The following GSG1L variants were observed in gnomAD, a reference collection of about 807,000 sequenced individuals.
GSG1L encodes the protein germ cell-specific gene 1-like protein.
In GSG1L, 24 loss-of-function variants were observed where a neutral mutation model predicts 42.1. The ratio of observed to expected loss-of-function variants is 0.57; its 90% CI spans 0.41 to 0.80. The LOEUF (loss-of-function observed/expected upper bound fraction) is 0.80, where lower values mean the gene tolerates loss of function less well. Among genes scored for constraint, GSG1L ranks in the 30% least tolerant of loss-of-function variants. The pLI, the probability that GSG1L is intolerant of heterozygous loss-of-function variation, is 0.00. For synonymous variants in GSG1L, 215 were observed against 203.5 expected (o/e 1.06, Z -0.48); for missense variants, 445 against 472.2 (o/e 0.94, Z 0.53).
intron 2 of GSG1L, among the ~76,000 whole-genome samples, chr16:27,897,852 C>G (rs1350525071): frequency 6.6e-6 from 1 of 152,218 alleles, no homozygotes; most frequent in African/African-American, 2.4e-5. Flanking sequence ...ACCAATCTCA[C>G]AGGATTTTCT....
intron 1 of GSG1L, among the ~76,000 whole-genome samples, chr16:28,014,711 C>A (rs2085761015): frequency 7.7e-6 from 1 of 130,492 alleles, no homozygotes; most frequent in African/African-American, 2.9e-5. Context: ...GTTGTCTAGG[C>A]TGGTCTTGAA....
intron 3 of GSG1L, among the ~76,000 whole-genome samples, chr16:27,859,088 T>C (rs2083612592): frequency 6.6e-6 from 1 of 151,766 alleles, no homozygotes; most frequent in Admixed American, 6.6e-5. Flanking sequence ...GTGGGACTGT[T>C]GCTATGAGGA....
At chr16:27,796,704 A>G (rs1389746591) in intron 6 of GSG1L, among the ~76,000 whole-genome samples, 2 of 152,204 alleles carry the variant, frequency 1.3e-5, no homozygotes, top group African/African-American at 4.8e-5. Flanking sequence ...AATGGGGGCC[A>G]TCTATCTCTC....
chr16:27,979,661 A>AAGAAAGAGAGAG lies in GSG1L; in HGVS notation c.350-16459_350-16458insCTCTCTCTTTCT, dbSNP rs368394279. ...GGGAGGGGAAAGAAAGAAAGAAAGAAAGAGAGAGAGAGAGAGAGAAAGAAA... is the reference window on the plus strand; with the variant it reads ...GGGAGGGGAAAGAAAGAAAGAAAGAAAGAAAGAGAGAGAGAGAGAGAGAGAGAGAGAAAGAAA... On this transcript the variant is annotated intron_variant, in intron 1 of 6. Coordinates refer to ENST00000447459, the MANE Select transcript of GSG1L (RefSeq NM_001109763.2). 8.7e-3 allele frequency among the ~76,000 whole-genome samples: 589 copies of AAGAAAGAGAGAG among 67,686 alleles called. 44 individuals are homozygous for AAGAAAGAGAGAG. Among genetic ancestry groups the AAGAAAGAGAGAG allele is most frequent in the African/African-American group, 0.037 (568 of 15,488 alleles). The allele number at this position is 67,686 out of a possible 152,430, so 44.4% of individuals were successfully genotyped here.
intron 1 of GSG1L, among the ~76,000 whole-genome samples, chr16:28,029,032 G>A (rs2085928667): frequency 2.6e-5 from 4 of 152,158 alleles, no homozygotes; most frequent in South Asian, 2.1e-4. Flanking sequence ...CTCAACCTAC[G>A]GAAAGCACCT....
At chr16:27,935,466 C>T (rs1356805158) in intron 2 of GSG1L, among the ~76,000 whole-genome samples, 1 of 151,952 alleles carries the variant, frequency 6.6e-6, no homozygotes, top group East Asian at 1.9e-4. Flanking sequence ...CTTAAATGAC[C>T]ACTTAGCGTT....
At chr16:27,829,122 C>T (rs1658503249) in intron 4 of GSG1L, among the ~76,000 whole-genome samples, 166 bp from the exon 5 acceptor site, 1 of 152,208 alleles carries the variant, frequency 6.6e-6, no homozygotes, top group Non-Finnish European at 1.5e-5. Flanking sequence ...GCCCCACTCG[C>T]AGTCTGGGAG....
intron 4 of GSG1L, among the ~76,000 whole-genome samples, chr16:27,842,455 C>T (rs941632517): frequency 1.3e-5 from 2 of 152,204 alleles, no homozygotes; most frequent in African/African-American, 2.4e-5. Flanking sequence ...AAATACCTAC[C>T]TGATTCATGG....
chr16:28,022,038 G>A (rs555223510), intron 1 of GSG1L, among the ~76,000 whole-genome samples: 1 of 152,298 alleles, frequency 6.6e-6, no homozygotes, highest in Admixed American at 6.5e-5. Context: ...CCGTTAATGT[G>A]AATACAAAAC....
intron 2 of GSG1L, among the ~76,000 whole-genome samples, chr16:27,917,899 A>T (rs1466105926): frequency 2.6e-5 from 4 of 152,108 alleles, no homozygotes; most frequent in Admixed American, 2.6e-4. Context: ...ACTCCATGCC[A>T]TGGTAAGAAA....
At chr16:27,858,396 A>T (rs1392095376) in intron 3 of GSG1L, among the ~76,000 whole-genome samples, 1 of 152,224 alleles carries the variant, frequency 6.6e-6, no homozygotes, top group African/African-American at 2.4e-5. Context: ...TCATAGAGGT[A>T]TATCAACTCA....
intron 5 of GSG1L, among the ~76,000 whole-genome samples, chr16:27,817,234 G>T (rs981074409): frequency 7.2e-5 from 11 of 152,214 alleles, no homozygotes; most frequent in African/African-American, 2.2e-4. Context: ...CATCTCTGCT[G>T]TGGCAGGGGT....
At chr16:27,850,710 G>A (rs1596555240) in intron 3 of GSG1L, 1 of 390,326 alleles carries the variant, frequency 2.6e-6, no homozygotes, top group South Asian at 1.9e-5. Flanking sequence ...GAAAATGGGG[G>A]TGATAGCTGG....
chr16:27,890,997 C>T (rs1299100529), intron 2 of GSG1L, among the ~76,000 whole-genome samples: 4 of 152,314 alleles, frequency 2.6e-5, no homozygotes, highest in African/African-American at 9.6e-5. Context: ...CACCTGCTGG[C>T]GCCTGTGTCT....
Position 27,814,669 on chromosome 16 carries a change from A to G in GSG1L, c.831-7115T>C, listed in dbSNP as rs113333569. Among the ~76,000 whole-genome samples, 529 of 136,484 alleles carry G rather than the reference A, an allele frequency of 3.9e-3. 1 individual carries two copies. Among genetic ancestry groups the G allele is most frequent in the African/African-American group, 0.014 (511 of 36,802 alleles). 89.5% of individuals were successfully genotyped at this position (136,484 alleles called of 152,430 possible). A position where few individuals can be genotyped will look rare whatever the true frequency, so the allele number is the denominator to read the frequency against. ...CATTGCACTCCAGCCTGGGTGACAG[A>G]GGGAGAACCCGTCTCAAGGAAAAAA... On this transcript the variant is annotated intron_variant, in intron 5 of 6. Coordinates refer to ENST00000447459, the MANE Select transcript of GSG1L (RefSeq NM_001109763.2).
intron 5 of GSG1L, among the ~76,000 whole-genome samples, chr16:27,812,424 G>C (rs553428009): frequency 4.6e-5 from 7 of 152,348 alleles, no homozygotes; most frequent in African/African-American, 1.7e-4. Flanking sequence ...CAAGCCATAT[G>C]TTCTCTCTCA....
At chr16:27,819,647 G>A (rs778754941) in intron 5 of GSG1L, among the ~76,000 whole-genome samples, 1 of 152,210 alleles carries the variant, frequency 6.6e-6, no homozygotes, top group Non-Finnish European at 1.5e-5. Flanking sequence ...GCCGGGCTGG[G>A]GAGCTGTGTA....
rs2051743 is a variant in GSG1L, at chr16:27,963,166, T to A, written c.387A>T (p.Ala129=). 6.2e-7 allele frequency: 1 copy of A among 1,612,030 alleles called. No homozygotes were observed. The highest frequency in any genetic ancestry group is 1.7e-5 in the Admixed American group (1 of 59,986). The change falls in exon 2 of 7, where the codon GCA becomes GCT. Residue 129 remains alanine, a synonymous_variant. Transcript: ENST00000447459. The part of the protein sequence containing the change: ...KCRSFIDLAP[A]SEKGVLWLSV... ...TGGGGTCACACTCACCTTTCTCCGATGCCGGGGCCAGGTCAATGAAGCTGC... is the reference window on the plus strand; with the variant it reads ...TGGGGTCACACTCACCTTTCTCCGAAGCCGGGGCCAGGTCAATGAAGCTGC...
chr16:27,825,792 T>C (rs2083202036), intron 5 of GSG1L, among the ~76,000 whole-genome samples: 1 of 152,138 alleles, frequency 6.6e-6, no homozygotes, highest in African/African-American at 2.4e-5. Context: ...TCTCATGAGA[T>C]CTAATGGCTT....
Sources: gnomAD v4.1 joint callset for allele counts (sites outside exome capture counted in the v4.1 genomes callset) on GRCh38, gnomAD v4.1.1 for gene constraint, MANE v1.5 for transcripts, NCBI Gene and HGNC (gene_info 2026-07-23, HGNC 2026-07-21) for gene names.